The following TMEM236 variants were observed in gnomAD, a reference collection of about 807,000 sequenced individuals.
The protein encoded by TMEM236 is transmembrane protein 236, also known as family with sequence similarity 23, member A.
TMEM236 carries 11 observed loss-of-function variants against 14.7 expected under a neutral mutation model. That is an observed-to-expected ratio of 0.75 (90% CI 0.47 to 1.24). The LOEUF (loss-of-function observed/expected upper bound fraction) is 1.24, where lower values mean the gene tolerates loss of function less well. Ranked by LOEUF, TMEM236 falls within the 50% of genes most tolerant of loss-of-function variation. The pLI, the probability that TMEM236 is intolerant of heterozygous loss-of-function variation, is 0.00. For missense variants in TMEM236, 464 were observed against 427.3 expected (o/e 1.09, Z -0.76); for synonymous variants, 182 against 168.6 (o/e 1.08, Z -0.62).
chr10:17,779,763 T>C (rs1837718026), intron 3 of TMEM236, among the ~76,000 whole-genome samples: 1 of 152,200 alleles, frequency 6.6e-6, no homozygotes, highest in South Asian at 2.1e-4. Flanking sequence ...CCCTTATTTG[T>C]TGGTCCAGAC....
chr10:17,778,850 T>G (rs1837699303), intron 3 of TMEM236, among the ~76,000 whole-genome samples: 1 of 152,276 alleles, frequency 6.6e-6, no homozygotes, highest in Admixed American at 6.5e-5. Flanking sequence ...TGACAAAATA[T>G]GCTTATGCTT....
At chr10:17,785,549 G>GAAAC in intron 3 of TMEM236, among the ~76,000 whole-genome samples, 1 of 150,582 alleles carries the variant, frequency 6.6e-6, no homozygotes, top group Non-Finnish European at 1.5e-5. Context: ...ACATTAAAAG[G>GAAAC]AAACAAACAA....
chr10:17,765,892 A>G (rs1837454664), intron 1 of TMEM236, among the ~76,000 whole-genome samples: 1 of 152,196 alleles, frequency 6.6e-6, no homozygotes, highest in Non-Finnish European at 1.5e-5. Flanking sequence ...TTTCTGAAAG[A>G]TAACACATTT....
In TMEM236 at chr10:17,752,619, T is replaced by G. The variant is rs1837225978; in HGVS notation, c.257+67T>G. The G allele has an allele frequency of 3.3e-6, 5 of 1,519,660 alleles. No individual in the cohort carries two copies. In the Admixed American group the frequency reaches 8.4e-5, roughly 25 times the overall value. 94.1% of individuals were successfully genotyped at this position (1,519,660 alleles called of 1,614,324 possible). Reference sequence around the variant, plus strand: ...TCTCGCTCTGTCACCCAGGCTGGAGTGCAGTAGGGCAGTCTTGGCTCACTG... The same window carrying G: ...TCTCGCTCTGTCACCCAGGCTGGAGGGCAGTAGGGCAGTCTTGGCTCACTG... On this transcript the variant is annotated intron_variant, in intron 1 of 3. Coordinates refer to ENST00000377495, the MANE Select transcript of TMEM236 (RefSeq NM_001098844.3).
At chr10:17,770,114 G>A (rs975119906) in intron 1 of TMEM236, among the ~76,000 whole-genome samples, 7 of 152,108 alleles carry the variant, frequency 4.6e-5, no homozygotes, top group South Asian at 2.1e-4. Context: ...GAGTTAATTC[G>A]TTTAGGATAG....
chr10:17,770,040 T>C (rs1234226367), intron 1 of TMEM236, among the ~76,000 whole-genome samples: 1 of 152,134 alleles, frequency 6.6e-6, no homozygotes, highest in African/African-American at 2.4e-5. Context: ...TTTATGTCCA[T>C]GAGTACCCAA....
At chr10:17,774,091 C>T (rs1008408606) in intron 2 of TMEM236, among the ~76,000 whole-genome samples, 2 of 152,114 alleles carry the variant, frequency 1.3e-5, no homozygotes, top group East Asian at 3.9e-4. Flanking sequence ...ATTGCCCAGG[C>T]TGGACTGCAG....
Position 17,798,766 on chromosome 10 carries a change from A to C in TMEM236, c.*2262A>C. ...TGTAAAAGATGAACATAATACTAGT[A>C]CTACATTAATAGGGTTAGGAGGGTT... On this transcript the variant is annotated 3_prime_UTR_variant, in exon 4 of 4. Transcript: ENST00000377495. 1.9e-6 allele frequency: 1 copy of C among 514,116 alleles called. No individual in the cohort carries two copies. The highest frequency in any genetic ancestry group is 4.0e-6 in the Non-Finnish European group (1 of 249,554). The allele number at this position is 514,116 out of a possible 1,614,324, so 31.8% of individuals were successfully genotyped here.
chr10:17,783,541 A>G (rs1026572551), intron 3 of TMEM236, among the ~76,000 whole-genome samples: 33 of 152,248 alleles, frequency 2.2e-4, no homozygotes, highest in African/African-American at 7.5e-4. Flanking sequence ...GTCTTTTAAT[A>G]TCAGAAACTT....
At chr10:17,793,757 A>G (rs1180381617) in intron 3 of TMEM236, among the ~76,000 whole-genome samples, 4 of 152,244 alleles carry the variant, frequency 2.6e-5, no homozygotes, top group Admixed American at 2.6e-4. Context: ...TGCTGGGATT[A>G]CAGGCGTGAG....
intron 3 of TMEM236, among the ~76,000 whole-genome samples, chr10:17,789,706 T>G (rs1173800876): frequency 2.0e-5 from 3 of 151,090 alleles, no homozygotes; most frequent in African/African-American, 7.3e-5. Flanking sequence ...CATAGTGAGA[T>G]CTCCATCTCT....
chr10:17,788,774 T>G (rs2131764127), intron 3 of TMEM236, among the ~76,000 whole-genome samples: 1 of 152,330 alleles, frequency 6.6e-6, no homozygotes, highest in South Asian at 2.1e-4. Context: ...GGTTTTTGAA[T>G]TTACTGGACA....
intron 1 of TMEM236, among the ~76,000 whole-genome samples, chr10:17,761,640 G>A (rs1837364717): frequency 6.7e-6 from 1 of 148,480 alleles, no homozygotes. Context: ...TTTGCAGTGA[G>A]CTGAGATCGT....
intron 1 of TMEM236, among the ~76,000 whole-genome samples, chr10:17,754,773 A>G (rs1837259030): frequency 6.6e-6 from 1 of 152,214 alleles, no homozygotes; most frequent in Non-Finnish European, 1.5e-5. Context: ...GCTAATGGGT[A>G]TACTGATCCA....
chr10:17,763,293 C>G (rs1188262685), intron 1 of TMEM236, among the ~76,000 whole-genome samples: 1 of 151,558 alleles, frequency 6.6e-6, no homozygotes, highest in Non-Finnish European at 1.5e-5. Flanking sequence ...CTCTACAGGA[C>G]GTTAAAAAAA....
intron 3 of TMEM236, among the ~76,000 whole-genome samples, chr10:17,792,343 C>G (rs1837939675): frequency 1.3e-5 from 2 of 152,204 alleles, no homozygotes; most frequent in East Asian, 3.9e-4. Context: ...CTGTTTCAGC[C>G]TCCCAAAGTG....
chr10:17,768,538 C>T lies in TMEM236; in HGVS notation c.258-2771C>T, dbSNP rs895022097. On this transcript the variant is annotated intron_variant, in intron 1 of 3. Transcript: ENST00000377495. ...GTTTCATAGGATTCACTAGATTCTC[C>T]GAAGTTTCATCGCACAAAAATGATT... Among the ~76,000 whole-genome samples, 950 of 152,072 alleles carry T rather than the reference C, an allele frequency of 6.2e-3. 9 individuals are homozygous for T. The highest frequency in any genetic ancestry group is 0.022 in the African/African-American group (899 of 41,466).
chr10:17,783,810 T>C (rs1837792801), intron 3 of TMEM236, among the ~76,000 whole-genome samples: 1 of 152,204 alleles, frequency 6.6e-6, no homozygotes, highest in Non-Finnish European at 1.5e-5. Flanking sequence ...GGCAAAATAG[T>C]AGTAGTTGTA....
chr10:17,791,394 G>A lies in TMEM236; in HGVS notation c.473-4527G>A, dbSNP rs1006271085. Among the ~76,000 whole-genome samples the A allele has an allele frequency of 9.2e-5, 14 of 152,212 alleles. No homozygotes were observed. The East Asian group carries it at 2.7e-3, about 29-fold the overall frequency. On this transcript the variant is annotated intron_variant, in intron 3 of 3. Transcript: ENST00000377495. ...GATCGCTTGAGTCTGAGAGTTGGAG[G>A]CTGTAGTGCGCTATGATTGTGCCAC...
Sources: allele counts gnomAD v4.1 joint callset (sites outside exome capture counted in the v4.1 genomes callset), GRCh38; gene constraint gnomAD v4.1.1; transcripts MANE v1.5; gene names NCBI Gene and HGNC (gene_info 2026-07-23, HGNC 2026-07-21).